MALRD1: variants seen among roughly 807,000 people sequenced by gnomAD.
MALRD1 encodes MAM and LDL receptor class A domain containing 1.
In MALRD1, 247 loss-of-function variants were observed where a neutral mutation model predicts 242.1. The observed-to-expected ratio is 1.02, with a 90% CI of 0.92 to 1.13. MALRD1 has a LOEUF of 1.13. Among genes scored for constraint, MALRD1 ranks in the 50% most tolerant of loss-of-function variants. The probability of loss-of-function intolerance (pLI) is 0.00; values close to 1 mark genes in which losing one functional copy is unlikely to be tolerated. For missense variants in MALRD1, 2,989 were observed against 2,533.1 expected, an observed-to-expected ratio of 1.18 and a Z score of -3.86; for synonymous variants, 995 against 866.6, an observed-to-expected ratio of 1.15 and a Z score of -2.60.
chr10:19,558,312 G>T (rs1835816083), intron 32 of MALRD1, among the ~76,000 whole-genome samples: 1 of 152,002 alleles, frequency 6.6e-6, no homozygotes, highest in Non-Finnish European at 1.5e-5. Context: ...ATCCTTGCTT[G>T]TTCATGATTT....
intron 19 of MALRD1, among the ~76,000 whole-genome samples, chr10:19,264,495 C>T (rs563794633): frequency 1.3e-5 from 2 of 150,282 alleles, no homozygotes; most frequent in South Asian, 4.2e-4. Flanking sequence ...GCTCTGTCGC[C>T]CAGGCTAGAG....
intron 38 of MALRD1, among the ~76,000 whole-genome samples, chr10:19,701,767 C>G (rs191685385): frequency 0.02 from 2,657 of 131,592 alleles, 41 homozygotes; most frequent in Middle Eastern, 0.033. Context: ...CCTTCCCCTT[C>G]TCTTCTTCTC....
rs766017565 is a variant in MALRD1, at chr10:19,238,513, GTATATTATATATAATA to G, written c.2992-19168_2992-19153del. 6.7e-4 allele frequency among the ~76,000 whole-genome samples: 22 copies of G among 33,020 alleles called. No homozygotes were observed. In the East Asian group the frequency reaches 7.7e-3, roughly 12 times the overall value. The allele number at this position is 33,020 out of a possible 152,430, so 21.7% of individuals were successfully genotyped here. A position where few individuals can be genotyped will look rare whatever the true frequency, so the allele number is the denominator to read the frequency against. On this transcript the variant is annotated intron_variant, in intron 18 of 39. Transcript: ENST00000454679. ...TATAATATATAATATAATATATAAT[GTATATTATATATAATA>G]TACATTATATATAATATATAATGTA...
At chr10:19,153,044 T>G (rs1833999631) in intron 11 of MALRD1, among the ~76,000 whole-genome samples, 1 of 152,304 alleles carries the variant, frequency 6.6e-6, no homozygotes, top group East Asian at 1.9e-4. Flanking sequence ...GACTTGAAAT[T>G]GTTCACTGGT....
intron 29 of MALRD1, among the ~76,000 whole-genome samples, chr10:19,457,257 G>T (rs1687911434): frequency 6.6e-6 from 1 of 152,174 alleles, no homozygotes; most frequent in Non-Finnish European, 1.5e-5. Context: ...CAACTTGGAG[G>T]TAAAAGCAGT....
chr10:19,065,737 T>A (rs113735643), intron 1 of MALRD1, among the ~76,000 whole-genome samples: 1 of 152,174 alleles, frequency 6.6e-6, no homozygotes, highest in African/African-American at 2.4e-5. Context: ...TTCTCCCTAG[T>A]CTCTTGGATC....
intron 1 of MALRD1, among the ~76,000 whole-genome samples, chr10:19,049,789 T>C (rs1022949706): frequency 1.3e-5 from 2 of 152,146 alleles, no homozygotes; most frequent in African/African-American, 4.8e-5. Flanking sequence ...GGTGGGAAAA[T>C]GCCCCATGGC....
Position 19,560,752 on chromosome 10 carries a change from A to G in MALRD1, c.5479-6750A>G, listed in dbSNP as rs1835928919. Among the ~76,000 whole-genome samples, 4 of 152,034 alleles carry G rather than the reference A, an allele frequency of 2.6e-5. No individual in the cohort carries two copies. The South Asian group carries it at 8.3e-4, about 32-fold the overall frequency. On this transcript the variant is annotated intron_variant, in intron 32 of 39. Coordinates refer to ENST00000454679, the MANE Select transcript of MALRD1 (RefSeq NM_001142308.3). ...GCACATGTTCTCACTTATAAGTGGG[A>G]GTTGAACAATGAGAACATATGGACA...
intron 36 of MALRD1, among the ~76,000 whole-genome samples, chr10:19,654,668 C>G (rs576583887): frequency 6.6e-6 from 1 of 152,094 alleles, no homozygotes; most frequent in Non-Finnish European, 1.5e-5. Flanking sequence ...GTAAAAAGAG[C>G]TTAGGAAACA....
intron 28 of MALRD1, among the ~76,000 whole-genome samples, chr10:19,390,068 G>A (rs1397419032): frequency 3.3e-5 from 5 of 152,134 alleles, no homozygotes; most frequent in African/African-American, 4.8e-5. Flanking sequence ...ATGGGGTTTG[G>A]TAAGCTGAGA....
At chr10:19,545,241 C>T (rs544274598) in intron 32 of MALRD1, among the ~76,000 whole-genome samples, 2 of 152,264 alleles carry the variant, frequency 1.3e-5, no homozygotes, top group South Asian at 4.1e-4. Context: ...CCCTAACAGC[C>T]TCATTATAAC....
chr10:19,308,691 G>GT (rs1329800422), intron 21 of MALRD1, among the ~76,000 whole-genome samples: 1 of 151,522 alleles, frequency 6.6e-6, no homozygotes, highest in Non-Finnish European at 1.5e-5. Context: ...TTGTCCTACT[G>GT]TAATTACTGG....
intron 24 of MALRD1, among the ~76,000 whole-genome samples, chr10:19,340,737 T>G (rs1230995503): frequency 6.6e-6 from 1 of 152,150 alleles, no homozygotes; most frequent in Non-Finnish European, 1.5e-5. Flanking sequence ...TAAACACAGG[T>G]TATTTCCCAC....
At chr10:19,508,081 G>C (rs1833222257) in intron 31 of MALRD1, among the ~76,000 whole-genome samples, 1 of 148,200 alleles carries the variant, frequency 6.7e-6, no homozygotes, top group Non-Finnish European at 1.5e-5. Context: ...GTTGATAAGT[G>C]CTATAGGAAA....
At chr10:19,542,089 A>G (rs1248873326) in intron 32 of MALRD1, among the ~76,000 whole-genome samples, 1 of 152,164 alleles carries the variant, frequency 6.6e-6, no homozygotes, top group African/African-American at 2.4e-5. Flanking sequence ...TTATGCAACT[A>G]AAAATTAAAA....
chr10:19,369,131 T>G (rs1404782341), intron 26 of MALRD1, among the ~76,000 whole-genome samples: 1 of 133,216 alleles, frequency 7.5e-6, no homozygotes, highest in African/African-American at 2.8e-5. Context: ...TAAATATTAA[T>G]TATTTAAATT....
intron 24 of MALRD1, among the ~76,000 whole-genome samples, chr10:19,333,299 T>C (rs10827280): frequency 0.63 from 95,954 of 151,908 alleles, 30,659 homozygotes; most frequent in African/African-American, 0.72. Context: ...CCTCCTCTCC[T>C]TCTCTTCACT....
At chr10:19,200,962 C>G (rs1836512353) in intron 14 of MALRD1, among the ~76,000 whole-genome samples, 1 of 151,908 alleles carries the variant, frequency 6.6e-6, no homozygotes, top group Non-Finnish European at 1.5e-5. Flanking sequence ...CCTGTAACAG[C>G]CCCTAGCACA....
At position 19,681,938 on chromosome 10, in the gene MALRD1, C is replaced by A. The variant is rs777622212; in HGVS notation, c.6138-10344C>A. ...TGGCACAGTCTCAGCTCACTGCTAC[C>A]TCTGTCTCCCCACATTAGCTGTAGC... On this transcript the variant is annotated intron_variant, in intron 36 of 39. Coordinates refer to ENST00000454679, the MANE Select transcript of MALRD1 (RefSeq NM_001142308.3). 8.0e-5 allele frequency among the ~76,000 whole-genome samples: 12 copies of A among 150,396 alleles called. No individual in the cohort carries two copies. The East Asian group carries it at 2.2e-3, about 27-fold the overall frequency.
Sources: gnomAD v4.1 joint callset for allele counts (sites outside exome capture counted in the v4.1 genomes callset) on GRCh38, gnomAD v4.1.1 for gene constraint, MANE v1.5 for transcripts, NCBI Gene and HGNC (gene_info 2026-07-23, HGNC 2026-07-21) for gene names.